Variants in SPTLC3 observed in about 807,000 individuals in gnomAD.
SPTLC3 encodes the protein serine palmitoyltransferase long chain base subunit 3, also known as serine palmitoyltransferase 3.
A neutral mutation model predicts 59.3 loss-of-function variants in SPTLC3; 36 were observed. The ratio of observed to expected loss-of-function variants is 0.61; its 90% CI spans 0.47 to 0.80. The LOEUF (loss-of-function observed/expected upper bound fraction) is 0.80, where lower values mean the gene tolerates loss of function less well. Among genes scored for constraint, SPTLC3 ranks in the 30% least tolerant of loss-of-function variants. The pLI is 0.00. For synonymous variants in SPTLC3, 257 were observed against 240.8 expected (o/e 1.07, Z -0.62); for missense variants, 625 against 685.1 (o/e 0.91, Z 0.98).
At chr20:13,052,497 G>T (rs1230624710) in intron 2 of SPTLC3, among the ~76,000 whole-genome samples, 1 of 151,992 alleles carries the variant, frequency 6.6e-6, no homozygotes, top group Non-Finnish European at 1.5e-5. Context: ...TTGTTGTTTG[G>T]TTTTTTTCAC....
intron 9 of SPTLC3, among the ~76,000 whole-genome samples, chr20:13,129,180 G>A (rs906935075): frequency 2.0e-5 from 3 of 151,990 alleles, no homozygotes; most frequent in African/African-American, 7.3e-5. Context: ...TTTTGTATTT[G>A]TAGTCGAGAC....
intron 9 of SPTLC3, among the ~76,000 whole-genome samples, chr20:13,127,510 C>T (rs553853968): frequency 1.3e-5 from 2 of 152,344 alleles, no homozygotes; most frequent in South Asian, 4.1e-4. Context: ...TGCAATGCTT[C>T]AAGCCTGCTA....
At chr20:13,042,561 C>A (rs562902581) in intron 1 of SPTLC3, among the ~76,000 whole-genome samples, 2 of 152,306 alleles carry the variant, frequency 1.3e-5, no homozygotes, top group African/African-American at 2.4e-5. Context: ...AACCCTCAAC[C>A]TCTCAGCCAC....
intron 2 of SPTLC3, among the ~76,000 whole-genome samples, chr20:13,068,470 G>A (rs1489850594): frequency 6.6e-6 from 1 of 152,182 alleles, no homozygotes; most frequent in East Asian, 1.9e-4. Context: ...TGGGACTAGA[G>A]GACATTGACC....
intron 8 of SPTLC3, among the ~76,000 whole-genome samples, chr20:13,117,967 G>A (rs1403653487): frequency 6.6e-6 from 1 of 152,080 alleles, no homozygotes; most frequent in Non-Finnish European, 1.5e-5. Context: ...AACACTGGCC[G>A]TGTACATAAG....
chr20:13,153,297 C>G (rs2038691852), intron 9 of SPTLC3, among the ~76,000 whole-genome samples: 1 of 152,174 alleles, frequency 6.6e-6, no homozygotes, highest in African/African-American at 2.4e-5. Context: ...ACTTAGGACA[C>G]AGGCTATAAG....
chr20:13,140,946 A>G (rs751447041), intron 9 of SPTLC3, among the ~76,000 whole-genome samples: 5 of 152,176 alleles, frequency 3.3e-5, no homozygotes, highest in Admixed American at 1.3e-4. Flanking sequence ...CTCTAACCCA[A>G]TGTGGACTGG....
chr20:13,056,728 G>A (rs1987745800), intron 2 of SPTLC3, among the ~76,000 whole-genome samples: 1 of 147,638 alleles, frequency 6.8e-6, no homozygotes, highest in Non-Finnish European at 1.5e-5. Context: ...ACCGCACCCA[G>A]CCCATCCTTA....
intron 4 of SPTLC3, among the ~76,000 whole-genome samples, chr20:13,082,119 A>C (rs1436859001): frequency 6.6e-6 from 1 of 152,246 alleles, no homozygotes; most frequent in Non-Finnish European, 1.5e-5. Flanking sequence ...AATTTTACAT[A>C]AGTATAATAC....
In SPTLC3 at chr20:13,091,226, A is replaced by G; in HGVS notation, c.732+19A>G. ...TGGAAAGGTGAGAATTGTTAACCTA[A>G]TTGTCTTCTACTGTATTACTCCTAA... On this transcript the variant is annotated intron_variant, in intron 5 of 11. Transcript: ENST00000399002. 1.9e-6 allele frequency: 3 copies of G among 1,611,190 alleles called. No individual in the cohort carries two copies. The highest frequency in any genetic ancestry group is 2.5e-6 in the Non-Finnish European group (3 of 1,178,108).
intron 2 of SPTLC3, among the ~76,000 whole-genome samples, chr20:13,057,498 C>T (rs1987776663): frequency 1.3e-5 from 2 of 152,160 alleles, no homozygotes; most frequent in South Asian, 2.1e-4. Context: ...GTTGTCCAAA[C>T]TTATCTCTAT....
chr20:13,065,740 T>A (rs1466665063), intron 2 of SPTLC3, among the ~76,000 whole-genome samples: 1 of 152,074 alleles, frequency 6.6e-6, no homozygotes, highest in Non-Finnish European at 1.5e-5. Context: ...GTTTTTCTTT[T>A]AACATATATG....
chr20:13,143,861 C>G (rs1406712414), intron 9 of SPTLC3, among the ~76,000 whole-genome samples: 1 of 152,230 alleles, frequency 6.6e-6, no homozygotes, highest in East Asian at 1.9e-4. Context: ...CAAATTGGAA[C>G]AGTTGTCGAC....
intron 2 of SPTLC3, among the ~76,000 whole-genome samples, chr20:13,054,806 A>G (rs929152822): frequency 1.3e-5 from 2 of 152,170 alleles, no homozygotes; most frequent in African/African-American, 4.8e-5. Flanking sequence ...TATCTTCAGC[A>G]TGTCGACAGG....
chr20:13,145,975 C>T (rs527862987), intron 9 of SPTLC3, among the ~76,000 whole-genome samples: 123 of 152,262 alleles, frequency 8.1e-4, no homozygotes, highest in Non-Finnish European at 1.2e-3. Context: ...CACATGCATG[C>T]GAATGTTCCT....
intron 7 of SPTLC3, among the ~76,000 whole-genome samples, chr20:13,112,236 G>A (rs1325932854): frequency 2.0e-5 from 3 of 152,186 alleles, no homozygotes; most frequent in Non-Finnish European, 4.4e-5. Flanking sequence ...CTTTGTCTGG[G>A]GCTGGAACAT....
At chr20:13,147,713 C>T (rs74808942) in intron 9 of SPTLC3, among the ~76,000 whole-genome samples, 2,801 of 152,264 alleles carry the variant, frequency 0.018, 53 homozygotes, top group South Asian at 0.03. Flanking sequence ...CTTCCCATCT[C>T]TAAAGACAAG....
At chr20:13,094,609 T>C (rs1600273164) in intron 6 of SPTLC3, among the ~76,000 whole-genome samples, 1 of 152,332 alleles carries the variant, frequency 6.6e-6, no homozygotes, top group South Asian at 2.1e-4. Flanking sequence ...TTCAATTCTG[T>C]TCTGCCCACC....
intron 2 of SPTLC3, among the ~76,000 whole-genome samples, chr20:13,071,111 T>C (rs1054996951): frequency 1.3e-5 from 2 of 152,220 alleles, no homozygotes; most frequent in African/African-American, 2.4e-5. Context: ...CTTGGATTAA[T>C]TTTCTTCTTG....
Sources: gnomAD v4.1 joint callset for allele counts (sites outside exome capture counted in the v4.1 genomes callset) on GRCh38, gnomAD v4.1.1 for gene constraint, MANE v1.5 for transcripts, NCBI Gene and HGNC (gene_info 2026-07-23, HGNC 2026-07-21) for gene names.